Variants in COPS4 observed in about 807,000 individuals in gnomAD.
The protein encoded by COPS4 is COP9 signalosome complex subunit 4.
Under a neutral mutation model 55.1 loss-of-function variants are expected in COPS4, and 8 were observed. The observed-to-expected ratio is 0.15, with a 90% CI of 0.09 to 0.26. The LOEUF is 0.26. Among genes scored for constraint, COPS4 ranks in the 10% least tolerant of loss-of-function variants. The pLI is 1.00. For synonymous variants in COPS4, 185 were observed against 165.7 expected, an observed-to-expected ratio of 1.12 and a Z score of -0.90; for missense variants, 248 against 484.0, an observed-to-expected ratio of 0.51 and a Z score of 4.58.
At chr4:83,067,149 C>T (rs1296256874) in intron 8 of COPS4, among the ~76,000 whole-genome samples, 10 of 151,924 alleles carry the variant, frequency 6.6e-5, no homozygotes, top group Admixed American at 4.6e-4. Context: ...CTTACTGCTG[C>T]TTCAGACTCG....
intron 1 of COPS4, among the ~76,000 whole-genome samples, chr4:83,044,597 A>G (rs953002879): frequency 5.3e-5 from 8 of 151,850 alleles, no homozygotes; most frequent in Non-Finnish European, 1.2e-4. Flanking sequence ...CCACATGGTG[A>G]AACCCCATCT....
intron 9 of COPS4, among the ~76,000 whole-genome samples, chr4:83,072,523 A>G (rs2126135523): frequency 6.6e-6 from 1 of 152,378 alleles, no homozygotes; most frequent in East Asian, 1.9e-4. Flanking sequence ...TGTATTGATT[A>G]GGAAAGACTC....
rs1446390580 is a variant in COPS4, at chr4:83,062,492, CAT to C, written c.716-583_716-582del. Among the ~76,000 whole-genome samples, 16 of 152,354 alleles carry C rather than the reference CAT, an allele frequency of 1.1e-4. 1 individual carries two copies. Among genetic ancestry groups the C allele is most frequent in the Middle Eastern group, 6.8e-3 (2 of 294 alleles). ...GGAAAAACATTTGAATGTCCTGACA[CAT>C]GTTTCCACCCGAGGTTGAACATGTA... On this transcript the variant is annotated intron_variant, in intron 6 of 9. Coordinates refer to ENST00000264389, the MANE Select transcript of COPS4 (RefSeq NM_016129.3).
chr4:83,055,534 C>A (rs937199069), intron 4 of COPS4, among the ~76,000 whole-genome samples: 1 of 151,894 alleles, frequency 6.6e-6, no homozygotes, highest in Admixed American at 6.6e-5. Context: ...ACCTCCACCT[C>A]CCGGGTTCAA....
At chr4:83,066,411 C>A in intron 7 of COPS4, 27 bp from the exon 8 acceptor site, 1 of 1,205,722 alleles carries the variant, frequency 8.3e-7, no homozygotes, top group Non-Finnish European at 1.2e-6. Flanking sequence ...TAGTTTCAAA[C>A]TTGTAACTGT....
At chr4:83,035,521 C>T in intron 1 of COPS4, 1 of 374,332 alleles carries the variant, frequency 2.7e-6, no homozygotes, top group Admixed American at 3.7e-5. Flanking sequence ...AAATGATTGT[C>T]AGCTTGTTCA....
chr4:83,041,484 A>C (rs988663669), intron 1 of COPS4, among the ~76,000 whole-genome samples: 3 of 151,874 alleles, frequency 2.0e-5, no homozygotes, highest in African/African-American at 7.3e-5. Flanking sequence ...TTATTTGACA[A>C]ATCTAGTCCA....
Position 83,039,086 on chromosome 4 carries a change from C to CTTAT in COPS4, c.74+3792_74+3795dup, listed in dbSNP as rs567580674. 1.1e-3 allele frequency among the ~76,000 whole-genome samples: 172 copies of CTTAT among 152,262 alleles called. 1 individual carries two copies. The South Asian group carries it at 0.012, about 11-fold the overall frequency. ...AACTTAGGGCTTAAAACAACAGTCACTTATTTAGCTTATAATTCTGTAGGT... is the reference window on the plus strand; with the variant it reads ...AACTTAGGGCTTAAAACAACAGTCACTTATTTATTTAGCTTATAATTCTGTAGGT... On this transcript the variant is annotated intron_variant, in intron 1 of 9. Coordinates refer to ENST00000264389, the MANE Select transcript of COPS4 (RefSeq NM_016129.3).
Position 83,067,524 on chromosome 4 carries a change from CTTT to C in COPS4, c.1003-896_1003-894del, listed in dbSNP as rs34638314. Among the ~76,000 whole-genome samples, 1,198 of 129,764 alleles carry C rather than the reference CTTT, an allele frequency of 9.2e-3. 16 individuals are homozygous for C. Among genetic ancestry groups the C allele is most frequent in the African/African-American group, 0.032 (1,066 of 33,742 alleles). The allele number at this position is 129,764 out of a possible 152,430, so 85.1% of individuals were successfully genotyped here. Reference sequence around the variant, plus strand: ...CAAGTGTGAGTCACCACGCCCAGCCCTTTTTTTTTTTTTTTTTTTTAAAGAAAC... The same window carrying C: ...CAAGTGTGAGTCACCACGCCCAGCCCTTTTTTTTTTTTTTTTTAAAGAAAC... On this transcript the variant is annotated intron_variant, in intron 8 of 9. Coordinates refer to ENST00000264389, the MANE Select transcript of COPS4 (RefSeq NM_016129.3).
chr4:83,040,783 G>A (rs1730545199), intron 1 of COPS4, among the ~76,000 whole-genome samples: 1 of 145,482 alleles, frequency 6.9e-6, no homozygotes. Flanking sequence ...TTTTTTGAGG[G>A]AGGGTTGGTC....
chr4:83,053,839 C>CCAAAAAAAAA (rs1730950194), intron 4 of COPS4, among the ~76,000 whole-genome samples: 1 of 86,564 alleles, frequency 1.2e-5, no homozygotes, highest in Non-Finnish European at 2.1e-5. Context: ...GACTCTGTCT[C>CCAAAAAAAAA]AAAAAAAAAA....
At chr4:83,056,595 G>A (rs183600871) in intron 4 of COPS4, among the ~76,000 whole-genome samples, 36 of 152,200 alleles carry the variant, frequency 2.4e-4, no homozygotes, top group African/African-American at 7.9e-4. Flanking sequence ...TCAGGAGATC[G>A]AAACCATCCT....
At chr4:83,039,988 C>A (rs183908844) in intron 1 of COPS4, among the ~76,000 whole-genome samples, 1 of 152,130 alleles carries the variant, frequency 6.6e-6, no homozygotes, top group South Asian at 2.1e-4. Context: ...CTCTAGGCTC[C>A]GGTGAAATCC....
chr4:83,075,216 A>G lies in COPS4; in HGVS notation c.1088-81A>G, dbSNP rs1328463610. The G allele has an allele frequency of 2.3e-6, 3 of 1,318,008 alleles. No homozygotes were observed. In the Admixed American group the frequency reaches 6.5e-5, roughly 28 times the overall value. 81.6% of individuals were successfully genotyped at this position (1,318,008 alleles called of 1,614,324 possible). On this transcript the variant is annotated intron_variant, in intron 9 of 9. Coordinates refer to ENST00000264389, the MANE Select transcript of COPS4 (RefSeq NM_016129.3). ...ATGCCTCTTCCAAGAATAGGCATGT[A>G]AAAAGTATATATCTTTTAACTCACA... is the stretch of plus-strand genomic sequence containing the variant.
chr4:83,035,341 G>A, intron 1 of COPS4, 43 bp downstream of exon 1: 1 of 1,437,182 alleles, frequency 7.0e-7, no homozygotes, highest in Non-Finnish European at 9.4e-7. Context: ...GGTGGGGAAA[G>A]AAAGCCACAG....
intron 9 of COPS4, among the ~76,000 whole-genome samples, chr4:83,073,725 C>T (rs556101227): frequency 1.1e-4 from 17 of 151,982 alleles, no homozygotes; most frequent in South Asian, 2.1e-4. Flanking sequence ...GAGGCTGAGG[C>T]GGGCGGATCA....
chr4:83,044,733 CCACTGCA>C (rs1410975303), intron 1 of COPS4, among the ~76,000 whole-genome samples: 59 of 152,126 alleles, frequency 3.9e-4, no homozygotes, highest in Admixed American at 3.7e-3. Flanking sequence ...CAAGATTGCG[CCACTGCA>C]CTCCAGCCTG....
intron 9 of COPS4, among the ~76,000 whole-genome samples, chr4:83,070,477 C>T (rs1382733280): frequency 6.6e-6 from 1 of 152,146 alleles, no homozygotes; most frequent in African/African-American, 2.4e-5. Flanking sequence ...CACGACTAAC[C>T]AGCCAGCCAT....
In COPS4 at chr4:83,067,238, T is replaced by G. The variant is rs1731313370; in HGVS notation, c.1002+685T>G. Among the ~76,000 whole-genome samples, 4 of 151,772 alleles carry G rather than the reference T, an allele frequency of 2.6e-5. No homozygotes were observed. The South Asian group carries it at 8.3e-4, about 32-fold the overall frequency. On this transcript the variant is annotated intron_variant, in intron 8 of 9. Coordinates refer to ENST00000264389, the MANE Select transcript of COPS4 (RefSeq NM_016129.3). ...ACACATCACCACGCCTGGCTAATTT[T>G]TTTGTTTGTTTGTTTTCCCCCGAGA...
Sources: allele counts gnomAD v4.1 joint callset (sites outside exome capture counted in the v4.1 genomes callset), GRCh38; gene constraint gnomAD v4.1.1; transcripts MANE v1.5; gene names NCBI Gene and HGNC (gene_info 2026-07-23, HGNC 2026-07-21).